VEZT: variants seen among roughly 807,000 people sequenced by gnomAD.
VEZT encodes vezatin, adherens junctions transmembrane protein.
A neutral mutation model predicts 79.9 loss-of-function variants in VEZT; 39 were observed. The ratio of observed to expected loss-of-function variants is 0.49; its 90% confidence interval spans 0.38 to 0.64. The LOEUF (loss-of-function observed/expected upper bound fraction) is 0.64, where lower values mean the gene tolerates loss of function less well. VEZT is among the 30% of genes least tolerant of loss of function. VEZT has a pLI of 0.00. For synonymous variants in VEZT, 325 were observed against 327.6 expected, an observed-to-expected ratio of 0.99 and a Z score of 0.09; for missense variants, 837 against 893.1, an observed-to-expected ratio of 0.94 and a Z score of 0.80.
chr12:95,293,923 C>T (rs531688861), intron 9 of VEZT: 1 of 180,514 alleles, frequency 5.5e-6, no homozygotes, highest in African/African-American at 2.4e-5. Context: ...GGATCTAGCT[C>T]TGTTGCCCAG....
chr12:95,299,698 T>C (rs2074925889), intron 11 of VEZT: 2 of 152,360 alleles, frequency 1.3e-5, no homozygotes, highest in African/African-American at 4.8e-5. Context: ...GTGAAAACCA[T>C]GCTGCTTATT....
intron 1 of VEZT, among the ~76,000 whole-genome samples, chr12:95,225,534 G>C (rs1219047096): frequency 6.6e-6 from 1 of 151,902 alleles, no homozygotes; most frequent in Admixed American, 6.6e-5. Context: ...TCCAGCGTGG[G>C]CGATAGAGCA....
intron 4 of VEZT, among the ~76,000 whole-genome samples, chr12:95,265,692 G>A (rs1219444107): frequency 6.6e-6 from 1 of 152,058 alleles, no homozygotes; most frequent in Middle Eastern, 3.4e-3. Flanking sequence ...GGTCACAGAA[G>A]AGGGGTTGGC....
At chr12:95,267,616 A>G (rs1323714955) in intron 5 of VEZT, among the ~76,000 whole-genome samples, 10 of 152,194 alleles carry the variant, frequency 6.6e-5, no homozygotes, top group Non-Finnish European at 4.4e-5. Context: ...AAAATCATGG[A>G]ATAGAGAAAT....
intron 1 of VEZT, among the ~76,000 whole-genome samples, chr12:95,238,333 C>T (rs1036354735): frequency 9.2e-5 from 14 of 152,090 alleles, no homozygotes; most frequent in Non-Finnish European, 4.4e-5. Flanking sequence ...TATTATAAAA[C>T]GTGCTTAACT....
chr12:95,233,629 T>C (rs544689869), intron 1 of VEZT, among the ~76,000 whole-genome samples: 2 of 152,162 alleles, frequency 1.3e-5, no homozygotes, highest in African/African-American at 2.4e-5. Flanking sequence ...CTCAAACTCC[T>C]GGCCTCAAGT....
chr12:95,254,029 G>A (rs1228470123), intron 2 of VEZT, among the ~76,000 whole-genome samples: 2 of 152,048 alleles, frequency 1.3e-5, no homozygotes, highest in African/African-American at 4.8e-5. Context: ...CACCCAGGCT[G>A]GAATGCAGTG....
At position 95,235,860 on chromosome 12, in the gene VEZT, G is replaced by A. The variant is rs538367107; in HGVS notation, c.37-16080G>A. 7.2e-5 allele frequency among the ~76,000 whole-genome samples: 11 copies of A among 152,054 alleles called. No homozygotes were observed. The South Asian group carries it at 1.5e-3, about 20-fold the overall frequency. On this transcript the variant is annotated intron_variant, in intron 1 of 11. Transcript: ENST00000436874. ...CAGAGACGCTCCTCACATCCCAGAC[G>A]GGGTGGCAGGGCAGAGGCGCTCCCC... is the stretch of plus-strand genomic sequence containing the variant.
At chr12:95,299,022 GA>G (rs1215843957) in intron 11 of VEZT, 1 of 154,784 alleles carries the variant, frequency 6.5e-6, no homozygotes, top group Non-Finnish European at 1.5e-5. Flanking sequence ...AAAAGCTGCT[GA>G]TACCATAGAA....
At chr12:95,236,834 A>G (rs533960835) in intron 1 of VEZT, among the ~76,000 whole-genome samples, 1 of 152,206 alleles carries the variant, frequency 6.6e-6, no homozygotes, top group Admixed American at 6.5e-5. Flanking sequence ...TGATCCATCC[A>G]TGTTGGTCCC....
chr12:95,279,133 T>G (rs2068443322), intron 7 of VEZT, among the ~76,000 whole-genome samples: 2 of 152,188 alleles, frequency 1.3e-5, no homozygotes. Flanking sequence ...AGACTAGAAG[T>G]GTTTTGGATT....
At chr12:95,222,476 G>A (rs2057768901) in intron 1 of VEZT, among the ~76,000 whole-genome samples, 1 of 117,592 alleles carries the variant, frequency 8.5e-6, no homozygotes, top group African/African-American at 3.2e-5. Context: ...TCTCTTTCTG[G>A]ACACTGTCTT....
At chr12:95,282,233 A>T in intron 7 of VEZT, 80 bp from the exon 8 acceptor site, 1 of 1,306,832 alleles carries the variant, frequency 7.7e-7, no homozygotes, top group Non-Finnish European at 1.0e-6. Context: ...ACCAGAAGTT[A>T]AGATAAACAA....
At chr12:95,281,939 A>AAT (rs1263634881) in intron 7 of VEZT, among the ~76,000 whole-genome samples, 21 of 151,348 alleles carry the variant, frequency 1.4e-4, no homozygotes, top group Admixed American at 8.6e-4. Flanking sequence ...GAGAGAAAAA[A>AAT]ATATATATAT....
intron 8 of VEZT, 86 bp downstream of exon 8, chr12:95,282,730 C>A: frequency 8.2e-7 from 1 of 1,212,994 alleles, no homozygotes; most frequent in Non-Finnish European, 1.1e-6. Context: ...TTGTGTCCTA[C>A]CTAGAAAAAA....
At chr12:95,260,628 C>T (rs760075769) in intron 3 of VEZT, among the ~76,000 whole-genome samples, 3 of 152,106 alleles carry the variant, frequency 2.0e-5, no homozygotes, top group South Asian at 2.1e-4. Flanking sequence ...GCCTTCAACT[C>T]GTTAGGCTTC....
chr12:95,246,864 C>T (rs914422873), intron 1 of VEZT, among the ~76,000 whole-genome samples: 1 of 152,168 alleles, frequency 6.6e-6, no homozygotes, highest in African/African-American at 2.4e-5. Flanking sequence ...TTTTATTTTG[C>T]TTGAACCAAG....
chr12:95,240,668 C>T (rs1038347301), intron 1 of VEZT, among the ~76,000 whole-genome samples: 4 of 152,062 alleles, frequency 2.6e-5, no homozygotes, highest in Non-Finnish European at 2.9e-5. Flanking sequence ...GCAGTTATTT[C>T]GAAGGTAACT....
chr12:95,240,041 G>GAAGA (rs2060774192), intron 1 of VEZT, among the ~76,000 whole-genome samples: 1 of 112,590 alleles, frequency 8.9e-6, no homozygotes, highest in Non-Finnish European at 2.0e-5. Context: ...AGGAAGGAAG[G>GAAGA]AAGGAAGGAA....
Sources: allele counts gnomAD v4.1 joint callset (sites outside exome capture counted in the v4.1 genomes callset), GRCh38; gene constraint gnomAD v4.1.1; transcripts MANE v1.5; gene names NCBI Gene and HGNC (gene_info 2026-07-23, HGNC 2026-07-21).